CALD1: variants seen among roughly 807,000 people sequenced by gnomAD.
CALD1 encodes caldesmon 1.
Under a neutral mutation model 99.9 loss-of-function variants are expected in CALD1, and 33 were observed. The observed-to-expected ratio is 0.33, with a 90% CI of 0.25 to 0.44. CALD1 has a LOEUF of 0.44. Ranked by LOEUF, CALD1 falls within the 20% of genes least tolerant of loss-of-function variation. The probability of loss-of-function intolerance (pLI) is 1.00; values close to 1 mark genes in which losing one functional copy is unlikely to be tolerated. For missense variants in CALD1, 861 were observed against 962.1 expected, an observed-to-expected ratio of 0.89 and a Z score of 1.39; for synonymous variants, 310 against 325.0, an observed-to-expected ratio of 0.95 and a Z score of 0.50.
At chr7:134,843,183 C>T (rs1482082506) in intron 1 of CALD1, among the ~76,000 whole-genome samples, 1 of 152,218 alleles carries the variant, frequency 6.6e-6, no homozygotes. Flanking sequence ...GCAACTGCTT[C>T]TGAGCCAGGG....
At chr7:134,722,393 G>GTTTA in the CALD1 span, among the ~76,000 whole-genome samples, 18,453 of 150,824 alleles carry the variant, frequency 0.12, 1,293 homozygotes, top group Non-Finnish European at 0.16. Flanking sequence ...GTTCGATTTT[G>GTTTA]TTTATTTATT....
At chr7:134,793,675 G>GGGGC (rs1304054622) in intron 1 of CALD1, among the ~76,000 whole-genome samples, 2 of 152,110 alleles carry the variant, frequency 1.3e-5, no homozygotes, top group Non-Finnish European at 2.9e-5. Flanking sequence ...AGGGAAAGAA[G>GGGGC]GGGCAGTTAA....
chr7:134,795,399 G>C (rs745396480), intron 1 of CALD1, among the ~76,000 whole-genome samples: 4 of 152,240 alleles, frequency 2.6e-5, no homozygotes, highest in Non-Finnish European at 5.9e-5. Flanking sequence ...ACATGATTTT[G>C]TTCCTAATTT....
rs967956645 is a variant in CALD1 at position 134,836,980 on chromosome 7, T to C, written c.-129-6904T>C. Among the ~76,000 whole-genome samples, 4 of 152,182 alleles carry C rather than the reference T, an allele frequency of 2.6e-5. No individual in the cohort carries two copies. In the South Asian group the frequency reaches 8.3e-4, roughly 32 times the overall value. On this transcript the variant is annotated intron_variant, in intron 1 of 14. Transcript: ENST00000361675. ...AAAAGGCTGCAATGATTAGGCACCA[T>C]TTTAAGATACCAAAGCCCATCTTTT...
At chr7:134,865,238 G>A (rs1800751310) in intron 2 of CALD1, among the ~76,000 whole-genome samples, 1 of 151,868 alleles carries the variant, frequency 6.6e-6, no homozygotes, top group African/African-American at 2.4e-5. Flanking sequence ...GCTAGAGAAG[G>A]GCTGAAAAGC....
At chr7:134,947,447 TC>T in intron 7 of CALD1, 60 bp from the exon 8 acceptor site, 2 of 1,495,044 alleles carry the variant, frequency 1.3e-6, no homozygotes, top group Non-Finnish European at 1.8e-6. Context: ...GACCTCCCCT[TC>T]CTCCAGGGAG....
upstream of CALD1, among the ~76,000 whole-genome samples, chr7:134,776,000 C>T (rs895155017): frequency 1.3e-5 from 2 of 152,106 alleles, no homozygotes; most frequent in African/African-American, 4.8e-5. Context: ...GAACTTAATT[C>T]CAACAATCTT....
At chr7:134,758,846 C>A (rs1796752508) in intron 1 of CALD1, among the ~76,000 whole-genome samples, 1 of 152,140 alleles carries the variant, frequency 6.6e-6, no homozygotes, top group African/African-American at 2.4e-5. Context: ...CTCAGAGGAT[C>A]TAGGCAGACA....
At chr7:134,852,204 T>C (rs1563044626) in intron 2 of CALD1, among the ~76,000 whole-genome samples, 1 of 152,134 alleles carries the variant, frequency 6.6e-6, no homozygotes, top group Non-Finnish European at 1.5e-5. Flanking sequence ...AAGATAGGAC[T>C]TGAGCTGGAC....
At chr7:134,718,751 A>T in the CALD1 span, among the ~76,000 whole-genome samples, 1 of 152,148 alleles carries the variant, frequency 6.6e-6, no homozygotes, top group Admixed American at 6.5e-5. Context: ...TTTGTCTCTG[A>T]CCCAGAAGTC....
chr7:134,923,585 G>A (rs909684115), intron 3 of CALD1, among the ~76,000 whole-genome samples: 2 of 152,196 alleles, frequency 1.3e-5, no homozygotes, highest in African/African-American at 4.8e-5. Context: ...CCAGTGGTTG[G>A]TTAGGTATGA....
intron 3 of CALD1, among the ~76,000 whole-genome samples, chr7:134,911,638 A>G (rs1399692908): frequency 6.6e-6 from 1 of 152,140 alleles, no homozygotes; most frequent in Non-Finnish European, 1.5e-5. Flanking sequence ...TGGCCTTTCC[A>G]TGTTCTGATT....
At chr7:134,774,854 T>C (rs1796904732), upstream of CALD1, among the ~76,000 whole-genome samples, 1 of 152,226 alleles carries the variant, frequency 6.6e-6, no homozygotes. Flanking sequence ...CTTTGCTCTT[T>C]GTCTTGTAGG....
rs201179218 is a variant in CALD1, at chr7:134,933,931, C to G, written c.1162C>G (p.Arg388Gly). The change falls in exon 5 of 15, where the codon CGT becomes GGT. Residue 388 changes from arginine (R) to glycine (G), a missense_variant. Physicochemically the swap from Arg to Gly is moderately radical, Grantham distance 125. Coordinates refer to ENST00000361675, the MANE Select transcript of CALD1 (RefSeq NM_033138.4). ...GAAGGCTAAGGTAGAAGAGCAGAAA[C>G]GTAACAAGCAGCTAGAAGAGAAAAA... ...EEKAKVEEQK[R>G]NKQLEEKKHA... The G allele has an allele frequency of 1.2e-6, 2 of 1,613,484 alleles. No homozygotes were observed. The highest frequency in any genetic ancestry group is 2.7e-5 in the African/African-American group (2 of 74,738).
chr7:134,846,342 C>T (rs1311987240), intron 2 of CALD1, among the ~76,000 whole-genome samples: 1 of 152,198 alleles, frequency 6.6e-6, no homozygotes, highest in African/African-American at 2.4e-5. Context: ...TCCACCTGTT[C>T]CCCAGAATAA....
chr7:134,802,126 G>A (rs961463971), intron 1 of CALD1, among the ~76,000 whole-genome samples: 2 of 148,250 alleles, frequency 1.3e-5, no homozygotes, highest in Non-Finnish European at 3.0e-5. Flanking sequence ...ATATATATAT[G>A]TATGTCTATA....
the CALD1 span, among the ~76,000 whole-genome samples, chr7:134,735,556 C>T: frequency 6.8e-6 from 1 of 146,016 alleles, no homozygotes; most frequent in Admixed American, 7.0e-5. Flanking sequence ...TTTCCCTCCC[C>T]ACTACCCTCT....
At chr7:134,723,732 A>G in the CALD1 span, among the ~76,000 whole-genome samples, 1 of 152,034 alleles carries the variant, frequency 6.6e-6, no homozygotes, top group African/African-American at 2.4e-5. Context: ...CTGGTACATA[A>G]TGAGTGGAAG....
At chr7:134,928,708 A>G (rs767980557) in intron 3 of CALD1, 46 bp from the exon 4 acceptor site, 8 of 1,589,010 alleles carry the variant, frequency 5.0e-6, no homozygotes, top group Non-Finnish European at 6.9e-6. Flanking sequence ...TGGTGAAGAC[A>G]CGTGGCAAGT....
Sources: allele counts gnomAD v4.1 joint callset (sites outside exome capture counted in the v4.1 genomes callset), GRCh38; gene constraint gnomAD v4.1.1; transcripts MANE v1.5; gene names NCBI Gene and HGNC (gene_info 2026-07-23, HGNC 2026-07-21).